GABRB3: variants seen among roughly 807,000 people sequenced by gnomAD.
The protein encoded by GABRB3 is gamma-aminobutyric acid receptor subunit beta-3.
A neutral mutation model predicts 52.1 loss-of-function variants in GABRB3; 14 were observed. The observed-to-expected ratio is 0.27, with a 90% confidence interval of 0.18 to 0.42. GABRB3 has a LOEUF of 0.42. Ranked by LOEUF, GABRB3 falls within the 10% of genes least tolerant of loss-of-function variation. GABRB3 has a pLI of 1.00. For missense variants in GABRB3, 307 were observed against 609.1 expected (o/e 0.50, Z 5.22); for synonymous variants, 260 against 232.3 (o/e 1.12, Z -1.08).
intron 4 of GABRB3, among the ~76,000 whole-genome samples, chr15:26,607,468 A>G (rs1399940254): frequency 6.6e-6 from 1 of 152,076 alleles, no homozygotes; most frequent in East Asian, 1.9e-4. Flanking sequence ...GCTACTATGG[A>G]GCCTGAGGTG....
chr15:26,561,576 A>G (rs1232587580), intron 7 of GABRB3, among the ~76,000 whole-genome samples: 1 of 152,280 alleles, frequency 6.6e-6, no homozygotes, highest in African/African-American at 2.4e-5. Flanking sequence ...CAAAGTGTCT[A>G]GATGAGAAAC....
Position 26,558,954 on chromosome 15 carries a change from T to C in GABRB3, c.1080+1978A>G, listed in dbSNP as rs538162384. On this transcript the variant is annotated intron_variant, in intron 8 of 8. Transcript: ENST00000311550. ...ACAGGAAGCATGGTGCTGGCACCTC[T>C]TGGCTTCTGGGGAAGCCCCAGGAAA... Among the ~76,000 whole-genome samples the C allele has an allele frequency of 7.9e-5, 12 of 152,310 alleles. No homozygotes were observed. In the South Asian group the frequency reaches 2.3e-3, roughly 29 times the overall value.
intron 3 of GABRB3, among the ~76,000 whole-genome samples, chr15:26,749,466 G>C (rs1354914148): frequency 1.3e-5 from 2 of 152,102 alleles, no homozygotes; most frequent in African/African-American, 4.8e-5. Flanking sequence ...AATGCTCTCT[G>C]GGCAGATGAA....
At position 26,565,406 on chromosome 15, in the gene GABRB3, G is replaced by A. The variant is rs61996548; in HGVS notation, c.835+2175C>T. 3.9e-3 allele frequency among the ~76,000 whole-genome samples: 594 copies of A among 152,104 alleles called. 4 individuals carry two copies. The highest frequency in any genetic ancestry group is 6.4e-3 in the Non-Finnish European group (432 of 68,002). ...AGATCACAGCTGCCCTCTTGACCTC[G>A]GGGTCACCCTAACTCTAGTGAATAT... is the stretch of plus-strand genomic sequence containing the variant. On this transcript the variant is annotated intron_variant, in intron 7 of 8. Transcript: ENST00000311550.
chr15:26,707,471 G>A (rs182657410), intron 3 of GABRB3, among the ~76,000 whole-genome samples: 2 of 152,306 alleles, frequency 1.3e-5, no homozygotes, highest in Admixed American at 1.3e-4. Context: ...CAGAGTGAAT[G>A]TTTAATTAGA....
intron 4 of GABRB3, among the ~76,000 whole-genome samples, chr15:26,609,762 C>T (rs950692264): frequency 2.6e-5 from 4 of 152,086 alleles, no homozygotes; most frequent in African/African-American, 7.2e-5. Flanking sequence ...TTCAAAGTTG[C>T]TGAGAGAATA....
Position 26,580,386 on chromosome 15 carries a change from C to A in GABRB3, c.615G>T (p.Arg205Ser). The A allele has an allele frequency of 6.2e-7, 1 of 1,614,206 alleles. No individual in the cohort carries two copies. The highest frequency in any genetic ancestry group is 1.1e-5 in the South Asian group (1 of 91,084). The change falls in exon 6 of 9, where the codon AGG (arginine) becomes AGT (serine). Residue 205 changes from arginine (R) to serine (S), a missense_variant. This residue lies in a region of GABRB3 where 23 missense variants were observed against 34.2 expected (regional missense o/e 0.67). Transcript: ENST00000311550. ...GGDKAVTGVE[R>S]IELPQFSIVE... ...CGATGGAGAACTGCGGGAGCTCAAT[C>A]CTTTCCACTCCGGTAACAGCCTTGT...
At chr15:26,771,788 C>T (rs1891151610) in intron 3 of GABRB3, 1 of 152,330 alleles carries the variant, frequency 6.6e-6, no homozygotes, top group Non-Finnish European at 1.5e-5. Context: ...CCCGCCTAGG[C>T]GCGGCCTCCC....
intron 3 of GABRB3, among the ~76,000 whole-genome samples, chr15:26,663,113 T>C (rs1234507640): frequency 1.3e-5 from 2 of 152,090 alleles, no homozygotes; most frequent in Non-Finnish European, 2.9e-5. Flanking sequence ...CATGTATAGG[T>C]TTGTGCAACC....
At chr15:26,620,765 T>C (rs920208699) in intron 4 of GABRB3, among the ~76,000 whole-genome samples, 1 of 148,860 alleles carries the variant, frequency 6.7e-6, no homozygotes, top group African/African-American at 2.4e-5. Flanking sequence ...TCACTGGGAC[T>C]CAGGAAGGCA....
chr15:26,630,941 G>A (rs929457404), intron 3 of GABRB3, among the ~76,000 whole-genome samples: 2 of 152,184 alleles, frequency 1.3e-5, no homozygotes, highest in African/African-American at 4.8e-5. Context: ...TGACAAAAAG[G>A]GTTGTTAGGT....
intron 3 of GABRB3, among the ~76,000 whole-genome samples, chr15:26,734,001 T>C (rs1420819241): frequency 6.8e-6 from 1 of 148,120 alleles, no homozygotes; most frequent in East Asian, 2.0e-4. Flanking sequence ...AAAACCTAAA[T>C]GTAAGCCCTA....
intron 3 of GABRB3, among the ~76,000 whole-genome samples, chr15:26,751,044 G>C (rs979031583): frequency 6.6e-6 from 1 of 152,126 alleles, no homozygotes; most frequent in African/African-American, 2.4e-5. Context: ...CTTAAGAATA[G>C]TGAAATCTCT....
intron 3 of GABRB3, among the ~76,000 whole-genome samples, chr15:26,637,794 C>A (rs910837470): frequency 2.0e-5 from 3 of 152,100 alleles, no homozygotes; most frequent in African/African-American, 7.2e-5. Context: ...TGATAGTTGG[C>A]GACCATTGTC....
intron 3 of GABRB3, among the ~76,000 whole-genome samples, chr15:26,764,171 AAAAAAAAAATATATATAT>A: frequency 4.6e-5 from 1 of 21,768 alleles, no homozygotes; most frequent in Non-Finnish European, 9.0e-5. Flanking sequence ...AAAAAAAAAA[AAAAAAAAAATATATATAT>A]ATATATATAT....
chr15:26,666,390 A>T (rs1887710942), intron 3 of GABRB3: 4 of 152,208 alleles, frequency 2.6e-5, no homozygotes, highest in African/African-American at 7.2e-5. Context: ...TCCACTCACC[A>T]GCAGCATACC....
intron 3 of GABRB3, among the ~76,000 whole-genome samples, chr15:26,763,916 C>T (rs1210028031): frequency 6.6e-6 from 1 of 151,428 alleles, no homozygotes; most frequent in African/African-American, 2.4e-5. Flanking sequence ...GAGGCCGAGG[C>T]GGGTGGATCA....
At chr15:26,647,827 T>A (rs570793824) in intron 3 of GABRB3, among the ~76,000 whole-genome samples, 2 of 152,264 alleles carry the variant, frequency 1.3e-5, no homozygotes, top group South Asian at 4.1e-4. Context: ...TAGGGACAAT[T>A]TGAAGGATCC....
intron 8 of GABRB3, among the ~76,000 whole-genome samples, chr15:26,554,189 T>TATATATATAAAGTATATATATATAA: frequency 3.7e-5 from 1 of 27,360 alleles, no homozygotes; most frequent in East Asian, 4.5e-4. Flanking sequence ...TATATATATA[T>TATATATATAAAGTATATATATATAA]ACTATATATA....
Sources: gnomAD v4.1 joint callset for allele counts (sites outside exome capture counted in the v4.1 genomes callset) on GRCh38, gnomAD v4.1.1 for gene constraint, gnomAD v4.1.1 regional missense constraint, MANE v1.5 for transcripts, NCBI Gene and HGNC (gene_info 2026-07-23, HGNC 2026-07-21) for gene names.